The following PGM3 variants were observed in gnomAD, a reference collection of about 807,000 sequenced individuals.
The protein encoded by PGM3 is phosphoglucomutase 3.
A neutral mutation model predicts 66.2 loss-of-function variants in PGM3; 40 were observed. The ratio of observed to expected loss-of-function variants is 0.60; its 90% CI spans 0.47 to 0.79. The LOEUF (loss-of-function observed/expected upper bound fraction) is 0.79, where lower values mean the gene tolerates loss of function less well. Among genes scored for constraint, PGM3 ranks in the 30% least tolerant of loss-of-function variants. The pLI, the probability that PGM3 is intolerant of heterozygous loss-of-function variation, is 0.00. For synonymous variants in PGM3, 191 were observed against 224.2 expected (o/e 0.85, Z 1.32); for missense variants, 537 against 643.4 (o/e 0.83, Z 1.79).
chr6:83,191,681 TC>T (rs1789072151), intron 1 of PGM3, among the ~76,000 whole-genome samples: 1 of 152,194 alleles, frequency 6.6e-6, no homozygotes, highest in Admixed American at 6.5e-5. Context: ...GCCACCTTTT[TC>T]CTTTACTTTT....
At chr6:83,186,675 T>A (rs1245819482) in intron 4 of PGM3, among the ~76,000 whole-genome samples, 1 of 152,228 alleles carries the variant, frequency 6.6e-6, no homozygotes, top group Admixed American at 6.5e-5. Flanking sequence ...CTAATAATAT[T>A]GATAAAAGCT....
chr6:83,187,723 G>A (rs879766783), intron 3 of PGM3, among the ~76,000 whole-genome samples: 3 of 152,144 alleles, frequency 2.0e-5, no homozygotes, highest in Non-Finnish European at 4.4e-5. Context: ...AGAATCACTT[G>A]ACCCTGGGAG....
intron 4 of PGM3, among the ~76,000 whole-genome samples, chr6:83,185,545 C>T (rs558035767): frequency 5.9e-5 from 9 of 152,200 alleles, no homozygotes; most frequent in Admixed American, 2.6e-4. Flanking sequence ...AGGCGGATCA[C>T]GAGGTCAGGA....
chr6:83,185,489 C>T (rs534961547), intron 4 of PGM3, among the ~76,000 whole-genome samples: 7 of 152,230 alleles, frequency 4.6e-5, no homozygotes, highest in African/African-American at 1.2e-4. Context: ...TGAGGCCGGG[C>T]GCAGTGGCTC....
At chr6:83,192,213 C>T (rs895272815) in intron 1 of PGM3, among the ~76,000 whole-genome samples, 2 of 152,140 alleles carry the variant, frequency 1.3e-5, no homozygotes, top group African/African-American at 4.8e-5. Context: ...CGCAGTGAGC[C>T]GAGATCGCGC....
chr6:83,188,603 CTT>C lies in PGM3; in HGVS notation c.389+9_389+10del. On this transcript the variant is annotated intron_variant, in intron 3 of 12. Coordinates refer to ENST00000513973, the MANE Select transcript of PGM3 (RefSeq NM_015599.3). ...AAGGTTTTTTTTTTTACCAGTAACTCTTATCATCACCTGGTATCTCTACCAAT... is the reference window on the plus strand; with the variant it reads ...AAGGTTTTTTTTTTTACCAGTAACTCATCATCACCTGGTATCTCTACCAAT... 6.3e-7 allele frequency: 1 copy of C among 1,591,456 alleles called. No homozygotes were observed. The highest frequency in any genetic ancestry group is 8.6e-7 in the Non-Finnish European group (1 of 1,161,440).
chr6:83,188,882 A>C (rs1256646795), intron 2 of PGM3, 84 bp from the exon 3 acceptor site: 3 of 1,097,944 alleles, frequency 2.7e-6, no homozygotes, highest in Non-Finnish European at 4.0e-6. Context: ...GTTTCCCTTC[A>C]ACCAAAGACA....
chr6:83,161,810 C>A (rs912348139), downstream of PGM3, among the ~76,000 whole-genome samples: 1 of 152,106 alleles, frequency 6.6e-6, no homozygotes, highest in African/African-American at 2.4e-5. Context: ...GCCTATAATT[C>A]TGCTACATCC....
chr6:83,186,737 T>C (rs1434274075), intron 4 of PGM3, among the ~76,000 whole-genome samples: 2 of 152,142 alleles, frequency 1.3e-5, no homozygotes, highest in African/African-American at 4.8e-5. Flanking sequence ...TTGAGGAAAT[T>C]CAGCCTTACC....
chr6:83,179,287 G>C (rs1198379159), intron 7 of PGM3, among the ~76,000 whole-genome samples: 6 of 149,486 alleles, frequency 4.0e-5, no homozygotes, highest in African/African-American at 7.5e-5. Context: ...ACTCCAGCCT[G>C]GGCAACAGAG....
chr6:83,171,854 G>A, intron 11 of PGM3, 83 bp downstream of exon 11: 3 of 1,081,526 alleles, frequency 2.8e-6, no homozygotes, highest in South Asian at 2.7e-5. Flanking sequence ...GGAAACATAT[G>A]TCAGTGAGAT....
In PGM3 at chr6:83,178,967, C is replaced by G. The variant is rs371552437; in HGVS notation, c.946-211G>C. Among the ~76,000 whole-genome samples the G allele has an allele frequency of 2.6e-3, 403 of 152,248 alleles. 1 individual carries two copies. The highest frequency in any genetic ancestry group is 6.8e-3 in the Middle Eastern group (2 of 294). ...ATTTAAAACAATTCTATGAGAATTCCTCTTTTAAGAAGCCTGTATCTCCTG... is the reference window on the plus strand; with the variant it reads ...ATTTAAAACAATTCTATGAGAATTCGTCTTTTAAGAAGCCTGTATCTCCTG... On this transcript the variant is annotated intron_variant, in intron 7 of 12. Coordinates refer to ENST00000513973, the MANE Select transcript of PGM3 (RefSeq NM_015599.3).
downstream of PGM3, among the ~76,000 whole-genome samples, chr6:83,157,999 CT>C (rs368395258): frequency 1.4e-4 from 20 of 148,110 alleles, no homozygotes; most frequent in African/African-American, 2.2e-4. Flanking sequence ...TTTATTTTTC[CT>C]TTTTTTTTTG....
Position 83,167,333 on chromosome 6 carries a change from T to C in PGM3, c.*1901A>G, listed in dbSNP as rs934249012. ...GTGTCTCCTGAGGGATCCCTTCCTT[T>C]CTCTGTGATGCAGTACTGACAGTAA... On this transcript the variant is annotated 3_prime_UTR_variant, in exon 13 of 13. Coordinates refer to ENST00000513973, the MANE Select transcript of PGM3 (RefSeq NM_015599.3). 5 of 985,450 alleles carry C rather than the reference T, an allele frequency of 5.1e-6. No homozygotes were observed. The highest frequency in any genetic ancestry group is 6.0e-6 in the Non-Finnish European group (5 of 829,982). 61.0% of individuals were successfully genotyped at this position (985,450 alleles called of 1,614,324 possible). A position where few individuals can be genotyped will look rare whatever the true frequency, so the allele number is the denominator to read the frequency against.
At chr6:83,179,495 A>G (rs895976503) in intron 7 of PGM3, among the ~76,000 whole-genome samples, 4 of 152,124 alleles carry the variant, frequency 2.6e-5, no homozygotes, top group African/African-American at 9.7e-5. Flanking sequence ...GAGATTTCCT[A>G]TTAGAATTTA....
rs536222596 is a variant in PGM3, at chr6:83,176,376, G to A, written c.1030-316C>T. Among the ~76,000 whole-genome samples, 26 of 152,308 alleles carry A rather than the reference G, an allele frequency of 1.7e-4. No individual in the cohort carries two copies. In the South Asian group the frequency reaches 5.4e-3, roughly 32 times the overall value. On this transcript the variant is annotated intron_variant, in intron 8 of 12. Coordinates refer to ENST00000513973, the MANE Select transcript of PGM3 (RefSeq NM_015599.3). ...TAGCTACAGTGTGGAGAATAGCTTA[G>A]AGCAGAATTGCAAGCTTTTTCTGTA...
At position 83,181,806 on chromosome 6, in the gene PGM3, A is replaced by T; in HGVS notation, c.717T>A (p.Asp239Glu). 1.2e-6 allele frequency: 2 copies of T among 1,614,070 alleles called. No individual in the cohort carries two copies. Among genetic ancestry groups the T allele is most frequent in the Non-Finnish European group, 1.7e-6 (2 of 1,179,968 alleles). ...AATGATTGAGTTTGCCCTTGGACCC[A>T]TCATTAAACAGCTGAACTGACAGGC... Reference protein sequence around the residue: ...SQGLSVQLFNDGSKGKLNHLC... With the variant: ...SQGLSVQLFNEGSKGKLNHLC... Residue 239 changes from aspartate to glutamate, a missense_variant, in exon 6 of 13, where the codon GAT becomes GAA. Physicochemically the swap from Asp to Glu is conservative, Grantham distance 45 (BLOSUM62 2). Transcript: ENST00000513973.
downstream of PGM3, among the ~76,000 whole-genome samples, chr6:83,161,475 A>G (rs1053864647): frequency 6.6e-6 from 1 of 152,186 alleles, no homozygotes; most frequent in Non-Finnish European, 1.5e-5. Context: ...AAAGATAGCA[A>G]TGAATTGGTA....
downstream of PGM3, chr6:83,156,186 G>C (rs1429829605): frequency 1.8e-6 from 2 of 1,136,208 alleles, no homozygotes; most frequent in African/African-American, 3.1e-5. Context: ...TACTAAGTTG[G>C]GGTAAAATAT....
Sources: gnomAD v4.1 joint callset for allele counts (sites outside exome capture counted in the v4.1 genomes callset) on GRCh38, gnomAD v4.1.1 for gene constraint, MANE v1.5 for transcripts, NCBI Gene and HGNC (gene_info 2026-07-23, HGNC 2026-07-21) for gene names.